ASXL1: variants seen among roughly 807,000 people sequenced by gnomAD.
ASXL1 encodes the protein polycomb group protein ASXL1.
In ASXL1, 65 loss-of-function variants were observed where a neutral mutation model predicts 89.1. That is an observed-to-expected ratio of 0.73 (90% CI 0.60 to 0.90). ASXL1 has a LOEUF of 0.90. Ranked by LOEUF, ASXL1 falls within the 40% of genes least tolerant of loss-of-function variation. The pLI is 0.00. For synonymous variants in ASXL1, 739 were observed against 746.9 expected (o/e 0.99, Z 0.17); for missense variants, 1,786 against 1,942.9 (o/e 0.92, Z 1.52).
rs778674124 is a variant in ASXL1, at chr20:32,429,910, G to A, written c.575G>A (p.Gly192Asp). ...AHVESASGFS[G>D]CHADGESGSP... ...AATGCTGTGCCTTCAGGGTTCTCGG[G>A]CTGCCACGCCGATGGCGAGAGCGGC... is the stretch of plus-strand genomic sequence containing the variant. Residue 192 changes from glycine to aspartate, a missense_variant, in exon 8 of 13, where the codon GGC becomes GAC. Gly to Asp is a moderately conservative substitution (Grantham distance 94). Coordinates refer to ENST00000375687, the MANE Select transcript of ASXL1 (RefSeq NM_015338.6). The surrounding 1 kb of genome is among the most constrained non-coding windows in gnomAD (Gnocchi z 4.9). 3.1e-6 allele frequency: 5 copies of A among 1,607,816 alleles called. No individual in the cohort carries two copies. The highest frequency in any genetic ancestry group is 4.2e-6 in the Non-Finnish European group (5 of 1,179,536).
intron 4 of ASXL1, among the ~76,000 whole-genome samples, chr20:32,399,973 G>C (rs2048844818): frequency 6.6e-6 from 1 of 151,796 alleles, no homozygotes; most frequent in Non-Finnish European, 1.5e-5. Context: ...TGTTGGCCAG[G>C]CTGGTCTTGA....
At position 32,436,817 on chromosome 20, in the gene ASXL1, A is replaced by C; in HGVS notation, c.4105A>C (p.Asn1369His). Residue 1369 changes from asparagine (N) to histidine (H), a missense_variant, in exon 13 of 13, where the codon AAT becomes CAT. By Grantham distance (68) the Asn-to-His change is moderately conservative (BLOSUM62 1). Around this residue, in one of 3 missense-constraint regions of ASXL1, gnomAD observed 1,418 missense variants for 1,427.8 expected, o/e 0.99. Coordinates refer to ENST00000375687, the MANE Select transcript of ASXL1 (RefSeq NM_015338.6). ...KPHAFVGSVK[N>H]EKTFVGGPLK... Reference sequence around the variant, plus strand: ...ACATGCCTTTGTTGGCAGCGTCAAGAATGAGAAGACTTTTGTGGGGGGTCC... The same window carrying C: ...ACATGCCTTTGTTGGCAGCGTCAAGCATGAGAAGACTTTTGTGGGGGGTCC... The C allele has an allele frequency of 6.2e-7, 1 of 1,614,194 alleles. No individual in the cohort carries two copies. The highest frequency in any genetic ancestry group is 1.1e-5 in the South Asian group (1 of 91,080).
At chr20:32,360,031 T>C (rs963301741) in intron 1 of ASXL1, 1 of 549,662 alleles carries the variant, frequency 1.8e-6, no homozygotes, top group Non-Finnish European at 3.3e-6. Flanking sequence ...TTCTCTCTTA[T>C]TTTGAAGTGA....
intron 4 of ASXL1, among the ~76,000 whole-genome samples, chr20:32,407,920 A>G (rs74424053): frequency 0.021 from 3,238 of 152,212 alleles, 115 homozygotes; most frequent in African/African-American, 0.074. Context: ...TTTGGCTCTT[A>G]GGTGTGCGAT....
intron 4 of ASXL1, among the ~76,000 whole-genome samples, chr20:32,419,229 G>T (rs1161089712): frequency 6.6e-6 from 1 of 151,964 alleles, no homozygotes; most frequent in African/African-American, 2.4e-5. Context: ...TTGAGACAGG[G>T]TCTTGTTCTG....
chr20:32,382,049 G>A (rs1353875793), intron 4 of ASXL1, among the ~76,000 whole-genome samples: 2 of 146,974 alleles, frequency 1.4e-5, no homozygotes, highest in East Asian at 2.1e-4. Flanking sequence ...TCCACTTCCC[G>A]GGTTCAAGTG....
chr20:32,378,158 T>TTGTGTGTGTGTGTGTGTGTGTGTGTG (rs142792019), intron 4 of ASXL1, among the ~76,000 whole-genome samples: 13 of 130,316 alleles, frequency 1.0e-4, no homozygotes, highest in African/African-American at 4.0e-4. Flanking sequence ...GCTGAGTAAT[T>TTGTGTGTGTGTGTGTGTGTGTGTGTG]TGTGTGTGTG....
At position 32,396,843 on chromosome 20, in the gene ASXL1, G is replaced by A. The variant is rs1181823966; in HGVS notation, c.252+27720G>A. 2.6e-5 allele frequency among the ~76,000 whole-genome samples: 4 copies of A among 152,056 alleles called. No individual in the cohort carries two copies. The East Asian group carries it at 5.8e-4, about 22-fold the overall frequency. ...CATGAGGTCACATACTGCTTACTAA[G>A]TTAGCATTTTTTATGTGTTCATTTT... On this transcript the variant is annotated intron_variant, in intron 4 of 12. Transcript: ENST00000375687.
At chr20:32,430,134 A>G (rs2011474110) in intron 8 of ASXL1, 81 bp downstream of exon 8, 4 of 1,495,872 alleles carry the variant, frequency 2.7e-6, no homozygotes, top group Admixed American at 2.3e-5. Flanking sequence ...TTCTATTCCA[A>G]TTCCTTTACC....
intron 4 of ASXL1, chr20:32,371,958 T>C (rs2048306979): frequency 2.5e-6 from 1 of 405,454 alleles, no homozygotes; most frequent in South Asian, 2.4e-5. Flanking sequence ...GTTATAATTA[T>C]TTAATACATA....
rs201665755 is a variant in ASXL1, at chr20:32,394,125, C to T, written c.252+25002C>T. ...TCAAGCGATACTCCTGCCTCAGCCT[C>T]CCAAGTAGCTGGTATTACAGGCGCC... On this transcript the variant is annotated intron_variant, in intron 4 of 12. Transcript: ENST00000375687. Among the ~76,000 whole-genome samples the T allele has an allele frequency of 6.6e-5, 10 of 152,126 alleles. No homozygotes were observed. In the East Asian group the frequency reaches 1.6e-3, roughly 24 times the overall value.
intron 4 of ASXL1, among the ~76,000 whole-genome samples, chr20:32,373,141 C>T (rs1434293449): frequency 1.3e-5 from 2 of 150,284 alleles, no homozygotes; most frequent in South Asian, 2.1e-4. Context: ...CTTTGGGAGG[C>T]CGAGGTGGGT....
intron 8 of ASXL1, chr20:32,430,883 C>CA: frequency 2.3e-6 from 1 of 428,244 alleles, no homozygotes; most frequent in Non-Finnish European, 4.4e-6. Context: ...TACATTTCTG[C>CA]ATGGAGATCA....
Position 32,436,241 on chromosome 20 carries a change from C to T in ASXL1, c.3529C>T (p.Leu1177Phe). The change falls in exon 13 of 13, where the codon CTT becomes TTT. Residue 1177 changes from leucine (L) to phenylalanine (F), a missense_variant. This residue lies in a region of ASXL1 where 1,418 missense variants were observed against 1,427.8 expected (regional missense o/e 0.99). Transcript: ENST00000375687. ...TTCTTTAAGGGCTTTGAAGGAGCCT[C>T]TTCTGCCAGATAGCTGTGAAACAGG... ...PSSLRALKEP[L>F]LPDSCETGTG... 6.2e-7 allele frequency: 1 copy of T among 1,614,234 alleles called. No homozygotes were observed. Among genetic ancestry groups the T allele is most frequent in the East Asian group, 2.2e-5 (1 of 44,892 alleles).
At chr20:32,412,591 TA>T (rs1569297672) in intron 4 of ASXL1, among the ~76,000 whole-genome samples, 1 of 142,346 alleles carries the variant, frequency 7.0e-6, no homozygotes, top group African/African-American at 2.5e-5. Flanking sequence ...AGAAAAGAAA[TA>T]AATTTTTTTT....
chr20:32,435,542 T>C lies in ASXL1; in HGVS notation c.2830T>C (p.Leu944=), dbSNP rs1448917831. 1 of 1,613,952 alleles carries C rather than the reference T, an allele frequency of 6.2e-7. No homozygotes were observed. Among genetic ancestry groups the C allele is most frequent in the African/African-American group, 1.3e-5 (1 of 74,904 alleles). ...APTPPALPGD[L]TAEEGLDPLD... ...CACCCCTCCTGCATTGCCTGGGGAT[T>C]TGACAGCTGAGGAGGGTCTAGATCC... is the stretch of plus-strand genomic sequence containing the variant. The change falls in exon 13 of 13, where the codon TTG becomes CTG. Residue 944 remains leucine, a synonymous_variant. Transcript: ENST00000375687.
At chr20:32,430,528 TATC>T (rs1483459522) in intron 8 of ASXL1, 1 of 240,254 alleles carries the variant, frequency 4.2e-6, no homozygotes. Context: ...GTAGTGCTAT[TATC>T]TATACCTCCC....
chr20:32,418,952 C>T (rs2049189909), intron 4 of ASXL1, among the ~76,000 whole-genome samples: 2 of 148,612 alleles, frequency 1.3e-5, no homozygotes, highest in African/African-American at 5.0e-5. Flanking sequence ...CCTGCCTTAG[C>T]CTTGCGAGTA....
At chr20:32,414,726 A>G (rs1285311084) in intron 4 of ASXL1, among the ~76,000 whole-genome samples, 1 of 152,148 alleles carries the variant, frequency 6.6e-6, no homozygotes, top group Non-Finnish European at 1.5e-5. Context: ...AAACTGATGG[A>G]TCCTGTGTTT....
Sources: gnomAD v4.1 joint callset for allele counts (sites outside exome capture counted in the v4.1 genomes callset) on GRCh38, gnomAD v4.1.1 for gene constraint, gnomAD v4.1.1 regional missense constraint, Gnocchi (gnomAD v3.1) non-coding constraint, MANE v1.5 for transcripts, NCBI Gene and HGNC (gene_info 2026-07-23, HGNC 2026-07-21) for gene names.